The following CLIP2 variants were observed in gnomAD, a reference collection of about 807,000 sequenced individuals.
The protein encoded by CLIP2 is CAP-Gly domain containing linker protein 2, also known as CAP-Gly domain-containing linker protein 2.
Under a neutral mutation model 111.7 loss-of-function variants are expected in CLIP2, and 41 were observed. That is an observed-to-expected ratio of 0.37 (90% CI 0.29 to 0.48). CLIP2 has a LOEUF of 0.48. Ranked by LOEUF, CLIP2 falls within the 20% of genes least tolerant of loss-of-function variation. CLIP2 has a pLI of 0.99. For missense variants in CLIP2, 1,160 were observed against 1,422.1 expected (o/e 0.82, Z 2.96); for synonymous variants, 660 against 644.2 (o/e 1.02, Z -0.37).
At chr7:74,358,346 C>A (rs1189365172) in intron 6 of CLIP2, among the ~76,000 whole-genome samples, 2 of 151,948 alleles carry the variant, frequency 1.3e-5, no homozygotes, top group Non-Finnish European at 2.9e-5. Context: ...CCACCATGCC[C>A]AGCCCTGCTT....
intron 1 of CLIP2, among the ~76,000 whole-genome samples, chr7:74,294,240 C>G (rs1310073580): frequency 6.6e-6 from 1 of 152,190 alleles, no homozygotes; most frequent in Non-Finnish European, 1.5e-5. Flanking sequence ...CCAGAGCCTC[C>G]TATCCTGGCT....
intron 1 of CLIP2, among the ~76,000 whole-genome samples, chr7:74,292,888 T>G (rs1788066537): frequency 6.6e-6 from 1 of 152,244 alleles, no homozygotes; most frequent in South Asian, 2.1e-4. Context: ...TTCATGTCCC[T>G]GAACAATTAT....
Position 74,297,007 on chromosome 7 carries a change from C to T in CLIP2, c.-68+7273C>T, listed in dbSNP as rs997430978. 6.6e-5 allele frequency among the ~76,000 whole-genome samples: 10 copies of T among 152,286 alleles called. No individual in the cohort carries two copies. In the East Asian group the frequency reaches 1.9e-3, roughly 29 times the overall value. On this transcript the variant is annotated intron_variant, in intron 1 of 16. Coordinates refer to ENST00000223398, the MANE Select transcript of CLIP2 (RefSeq NM_003388.5). ...TCGTCCCCAGTTACTTGCTGATCAG[C>T]AGTGGGTCGCCTTTCTGACACAGGT...
Position 74,376,372 on chromosome 7 carries a change from G to A in CLIP2, c.1971G>A (p.Lys657=), listed in dbSNP as rs782037950. 4.3e-6 allele frequency: 7 copies of A among 1,614,102 alleles called. No homozygotes were observed. The highest frequency in any genetic ancestry group is 4.5e-5 in the East Asian group (2 of 44,866). The change falls in exon 10 of 17, where the codon AAG becomes AAA. Residue 657 remains lysine (K), a synonymous_variant. Transcript: ENST00000223398. This position sits in a 1 kb window ranked among gnomAD's most constrained non-coding sequence, Gnocchi z 7.1. Reference sequence around the variant, plus strand: ...TGAAGGCAGTGATGGAGGGCATCAAGATGGAGCACCAGCTGGAGCTGGGTA... The same window carrying A: ...TGAAGGCAGTGATGGAGGGCATCAAAATGGAGCACCAGCTGGAGCTGGGTA... The part of the protein sequence containing the change: ...GELKAVMEGI[K]MEHQLELGNL...
At chr7:74,296,805 A>G (rs1194832258) in intron 1 of CLIP2, among the ~76,000 whole-genome samples, 1 of 149,574 alleles carries the variant, frequency 6.7e-6, no homozygotes, top group African/African-American at 2.4e-5. Flanking sequence ...AAAAAAAAAA[A>G]GAGAAAAGAA....
intron 13 of CLIP2, among the ~76,000 whole-genome samples, chr7:74,393,804 GAA>G (rs1554316254): frequency 6.6e-6 from 1 of 152,196 alleles, no homozygotes; most frequent in African/African-American, 2.4e-5. Context: ...GCCCAGGAAG[GAA>G]ACAGATGCGA....
At chr7:74,323,620 T>C (rs1789028816) in intron 2 of CLIP2, among the ~76,000 whole-genome samples, 1 of 151,992 alleles carries the variant, frequency 6.6e-6, no homozygotes, top group Non-Finnish European at 1.5e-5. Context: ...AGAGATGGGG[T>C]TTCACCATGT....
intron 7 of CLIP2, among the ~76,000 whole-genome samples, chr7:74,361,968 G>T (rs1303856286): frequency 6.6e-6 from 1 of 152,068 alleles, no homozygotes; most frequent in Non-Finnish European, 1.5e-5. Context: ...GGGCATGGTG[G>T]CAGGTGCCTG....
chr7:74,394,243 T>TGC (rs1791378984), intron 13 of CLIP2, among the ~76,000 whole-genome samples: 1 of 126,236 alleles, frequency 7.9e-6, no homozygotes, highest in Non-Finnish European at 1.7e-5. Context: ...CTTTTTCTTC[T>TGC]TATTTTTTTT....
chr7:74,371,008 G>A (rs192548303), intron 8 of CLIP2, among the ~76,000 whole-genome samples: 235 of 152,232 alleles, frequency 1.5e-3, no homozygotes, highest in Admixed American at 5.5e-3. Context: ...AGCACTTTGG[G>A]AGGCTGAGGT....
At chr7:74,379,474 T>C (rs782051245) in intron 10 of CLIP2, among the ~76,000 whole-genome samples, 5 of 151,954 alleles carry the variant, frequency 3.3e-5, no homozygotes, top group Middle Eastern at 3.2e-3. Flanking sequence ...TTAAAAATTA[T>C]TTTAGTGGCC....
chr7:74,339,924 CA>C (rs1312026132), intron 3 of CLIP2, among the ~76,000 whole-genome samples: 11 of 149,412 alleles, frequency 7.4e-5, no homozygotes, highest in Admixed American at 4.7e-4. Flanking sequence ...CCCATCTCTA[CA>C]AAAAAAAATA....
intron 2 of CLIP2, among the ~76,000 whole-genome samples, chr7:74,329,657 A>G (rs1241619799): frequency 6.6e-6 from 1 of 151,850 alleles, no homozygotes; most frequent in Non-Finnish European, 1.5e-5. Context: ...AGCAGAGGAC[A>G]CTTTTTTATC....
At position 74,376,200 on chromosome 7, in the gene CLIP2, A is replaced by G. The variant is rs147300757; in HGVS notation, c.1799A>G (p.Gln600Arg). 760 of 1,612,796 alleles carry G rather than the reference A, an allele frequency of 4.7e-4. 1 individual carries two copies. The highest frequency in any genetic ancestry group is 4.8e-4 in the Non-Finnish European group (563 of 1,179,542). Residue 600 changes from glutamine to arginine, a missense_variant, in exon 10 of 17, where the codon CAG becomes CGG. This residue lies in a region of CLIP2 where 676 missense variants were observed against 777.8 expected (regional missense o/e 0.87). Transcript: ENST00000223398. This position sits in a 1 kb window ranked among gnomAD's most constrained non-coding sequence, Gnocchi z 7.1. ...GTGGCGGGCCTGAAGGACAAGGTTC[A>G]GCAGGCCACCAGCGAGAACATGGGG... ...QEVAGLKDKV[Q>R]QATSENMGLM...
intron 13 of CLIP2, chr7:74,389,463 A>G (rs1479069711): frequency 2.0e-6 from 1 of 500,628 alleles, no homozygotes; most frequent in Non-Finnish European, 3.4e-6. Context: ...CAGAGCTTAT[A>G]GAAAAGAGTA....
chr7:74,389,036 C>G, intron 12 of CLIP2, 67 bp from the exon 13 acceptor site: 2 of 1,529,794 alleles, frequency 1.3e-6, no homozygotes, highest in Non-Finnish European at 1.8e-6. Flanking sequence ...AGGTCTTTGC[C>G]CTTGGGTGGG....
intron 13 of CLIP2, among the ~76,000 whole-genome samples, chr7:74,392,001 G>C (rs1554315917): frequency 6.6e-6 from 1 of 151,892 alleles, no homozygotes. Flanking sequence ...GAGCTCAGGA[G>C]TTCAAGACCA....
intron 2 of CLIP2, among the ~76,000 whole-genome samples, chr7:74,323,925 C>A (rs1584325834): frequency 6.6e-6 from 1 of 152,266 alleles, no homozygotes; most frequent in African/African-American, 2.4e-5. Context: ...AGATGGTATC[C>A]CCGTCGTTAA....
Position 74,397,164 on chromosome 7 carries a change from T to C in CLIP2, c.2811T>C (p.Ala937=). 6.2e-7 allele frequency: 1 copy of C among 1,613,620 alleles called. No individual in the cohort carries two copies. Among genetic ancestry groups the C allele is most frequent in the East Asian group, 2.2e-5 (1 of 44,848 alleles). ...ACCTGAGCCGTGAGGTACACAAGGCTGAGTGGCGGATCAAGGAGCAGAAAC... is the reference window on the plus strand; with the variant it reads ...ACCTGAGCCGTGAGGTACACAAGGCCGAGTGGCGGATCAAGGAGCAGAAAC... ...ERDLSREVHK[A]EWRIKEQKLK... is the part of the protein sequence containing the mutation. Residue 937 remains alanine, a synonymous_variant, in exon 14 of 17, where the codon GCT becomes GCC. Transcript: ENST00000223398.
Sources: allele counts gnomAD v4.1 joint callset (sites outside exome capture counted in the v4.1 genomes callset), GRCh38; gene constraint gnomAD v4.1.1; regional missense constraint gnomAD v4.1.1; non-coding constraint Gnocchi (gnomAD v3.1); transcripts MANE v1.5; gene names NCBI Gene and HGNC (gene_info 2026-07-23, HGNC 2026-07-21).